Variants in CPNE4 observed in about 807,000 individuals in gnomAD.
CPNE4 encodes copine-4.
In CPNE4, 25 loss-of-function variants were observed where a neutral mutation model predicts 67.9. That is an observed-to-expected ratio of 0.37 (90% confidence interval 0.27 to 0.51). The LOEUF is 0.51. CPNE4 is among the 20% of genes least tolerant of loss of function. The pLI is 0.93. For missense variants in CPNE4, 464 were observed against 690.8 expected (o/e 0.67, Z 3.68); for synonymous variants, 242 against 244.9 (o/e 0.99, Z 0.11).
intron 1 of CPNE4, among the ~76,000 whole-genome samples, chr3:131,949,816 T>C (rs528387904): frequency 1.8e-3 from 271 of 152,316 alleles, no homozygotes; most frequent in African/African-American, 6.3e-3. Flanking sequence ...TTTAAAATAT[T>C]GTATATTTTA....
chr3:131,847,133 G>A (rs1390792684), intron 2 of CPNE4, among the ~76,000 whole-genome samples: 1 of 152,164 alleles, frequency 6.6e-6, no homozygotes, highest in African/African-American at 2.4e-5. Context: ...CTCCTCACAG[G>A]TGTGTGTTCC....
At chr3:131,987,646 C>T (rs1366103735) in intron 1 of CPNE4, among the ~76,000 whole-genome samples, 1 of 152,126 alleles carries the variant, frequency 6.6e-6, no homozygotes, top group African/African-American at 2.4e-5. Flanking sequence ...CCTTGGCCTC[C>T]CAAAGTGCTG....
rs538765669 is a variant in CPNE4, at chr3:131,726,822, G to C, written c.181-3197C>G. Among the ~76,000 whole-genome samples, 3 of 152,036 alleles carry C rather than the reference G, an allele frequency of 2.0e-5. No homozygotes were observed. In the South Asian group the frequency reaches 6.2e-4, roughly 32 times the overall value. The stretch of plus-strand genomic sequence containing the variant: ...GTAGGACCCAGAAATCTCTAAAAAA[G>C]TGTTCTAGAGAATTCTGGTGTGGGA... On this transcript the variant is annotated intron_variant, in intron 2 of 15. Transcript: ENST00000429747.
chr3:131,719,882 C>T (rs1298552663), intron 3 of CPNE4, among the ~76,000 whole-genome samples: 4 of 152,212 alleles, frequency 2.6e-5, no homozygotes, highest in Non-Finnish European at 5.9e-5. Context: ...AAGAAAAATC[C>T]ACATGTCTTA....
chr3:131,692,498 G>C lies in CPNE4; in HGVS notation c.507+4044C>G, dbSNP rs367942762. ...GATTTTACATTGTTTTAGAGTAGGG[G>C]TCAGCAAACTATGGCACATGAGCCA... On this transcript the variant is annotated intron_variant, in intron 5 of 15. Coordinates refer to ENST00000429747, the MANE Select transcript of CPNE4 (RefSeq NM_130808.3). Among the ~76,000 whole-genome samples, 3 of 152,272 alleles carry C rather than the reference G, an allele frequency of 2.0e-5. No homozygotes were observed. In the South Asian group the frequency reaches 6.2e-4, roughly 32 times the overall value.
chr3:131,563,807 A>C (rs1437381439), intron 11 of CPNE4, among the ~76,000 whole-genome samples: 6 of 152,070 alleles, frequency 3.9e-5, no homozygotes, highest in Non-Finnish European at 8.8e-5. Context: ...TGAGGATCAG[A>C]TGTAATAATG....
intron 5 of CPNE4, among the ~76,000 whole-genome samples, chr3:131,694,987 C>T (rs2107693724): frequency 6.6e-6 from 1 of 152,296 alleles, no homozygotes; most frequent in Admixed American, 6.5e-5. Flanking sequence ...AATAGAAAAC[C>T]AGAGCAGTAG....
At chr3:132,018,143 TGA>T (rs1444259028) in intron 1 of CPNE4, among the ~76,000 whole-genome samples, 6 of 142,430 alleles carry the variant, frequency 4.2e-5, no homozygotes, top group East Asian at 2.0e-4. Flanking sequence ...CCATAGTGTG[TGA>T]GTGTTAATGT....
rs529113059 is a variant in CPNE4, at chr3:132,017,923, C to T, written c.-2+16644G>A. 2.5e-3 allele frequency among the ~76,000 whole-genome samples: 383 copies of T among 152,286 alleles called. 2 individuals carry two copies. Among genetic ancestry groups the T allele is most frequent in the African/African-American group, 8.9e-3 (368 of 41,550 alleles). On this transcript the variant is annotated intron_variant, in intron 1 of 15. Transcript: ENST00000429747. ...GATACTCATTGGCACACAGCCATGC[C>T]TCCCTCACTGCCAACTCCCTGAGGC...
intron 12 of CPNE4, among the ~76,000 whole-genome samples, chr3:131,553,392 T>G (rs988474031): frequency 6.6e-6 from 1 of 152,190 alleles, no homozygotes; most frequent in Middle Eastern, 3.4e-3. Flanking sequence ...TCAGTCATCT[T>G]ATTTGCTTTG....
chr3:131,725,067 G>A (rs952153696), intron 2 of CPNE4, among the ~76,000 whole-genome samples: 1 of 152,148 alleles, frequency 6.6e-6, no homozygotes, highest in African/African-American at 2.4e-5. Flanking sequence ...TGGTTTATTG[G>A]ATGTTTTCTG....
chr3:131,637,962 G>A (rs1383811639), intron 7 of CPNE4, among the ~76,000 whole-genome samples: 1 of 152,116 alleles, frequency 6.6e-6, no homozygotes, highest in Non-Finnish European at 1.5e-5. Flanking sequence ...GAAAGATACA[G>A]CCTTTTCCAG....
In CPNE4 at chr3:131,620,176, T is replaced by G. The variant is rs966960323; in HGVS notation, c.682-32594A>C. ...TTGGAGATGATTTTCATAACACTCA[T>G]AGGTAAAAAGAAATGTAAAAGGTTT... On this transcript the variant is annotated intron_variant, in intron 7 of 15. Transcript: ENST00000429747. Among the ~76,000 whole-genome samples the G allele has an allele frequency of 6.6e-5, 10 of 152,242 alleles. No individual in the cohort carries two copies. The South Asian group carries it at 2.1e-3, about 32-fold the overall frequency.
intron 1 of CPNE4, among the ~76,000 whole-genome samples, chr3:132,019,464 G>C (rs1348159812): frequency 6.6e-6 from 1 of 152,054 alleles, no homozygotes. Context: ...ATAAATCTGT[G>C]ACAAAATGCA....
chr3:131,823,743 G>A (rs2085049477), intron 2 of CPNE4, among the ~76,000 whole-genome samples: 1 of 152,070 alleles, frequency 6.6e-6, no homozygotes, highest in South Asian at 2.1e-4. Flanking sequence ...ATAAGCATAC[G>A]CTACAGAGTT....
At chr3:131,791,809 A>T (rs979216787) in intron 2 of CPNE4, among the ~76,000 whole-genome samples, 2 of 152,090 alleles carry the variant, frequency 1.3e-5, no homozygotes, top group Non-Finnish European at 2.9e-5. Context: ...TTATTGATAC[A>T]CTTGCAGGAT....
intron 2 of CPNE4, among the ~76,000 whole-genome samples, chr3:131,770,468 G>A (rs371958395): frequency 4.6e-5 from 7 of 152,326 alleles, no homozygotes; most frequent in African/African-American, 1.7e-4. Flanking sequence ...ATTCAGTGAG[G>A]CAGACGAGCT....
chr3:131,997,700 G>T (rs1409971327), intron 1 of CPNE4, among the ~76,000 whole-genome samples: 1 of 152,042 alleles, frequency 6.6e-6, no homozygotes, highest in Admixed American at 6.6e-5. Context: ...ATTTTTATAG[G>T]TATGGGAAAG....
intron 7 of CPNE4, among the ~76,000 whole-genome samples, chr3:131,635,833 G>GAACATAC (rs1202552516): frequency 5.4e-5 from 7 of 130,834 alleles, no homozygotes; most frequent in African/African-American, 2.1e-4. Flanking sequence ...ACTACTGCAG[G>GAACATAC]CACTTTGGGA....
Sources: gnomAD v4.1 joint callset for allele counts (sites outside exome capture counted in the v4.1 genomes callset) on GRCh38, gnomAD v4.1.1 for gene constraint, MANE v1.5 for transcripts, NCBI Gene and HGNC (gene_info 2026-07-23, HGNC 2026-07-21) for gene names.